Variants in PDSS2 observed in about 807,000 individuals in gnomAD.
The protein encoded by PDSS2 is all trans-polyprenyl-diphosphate synthase PDSS2.
In PDSS2, 31 loss-of-function variants were observed where a neutral mutation model predicts 44.5. That is an observed-to-expected ratio of 0.70 (90% CI 0.52 to 0.94). The LOEUF (loss-of-function observed/expected upper bound fraction) is 0.94, where lower values mean the gene tolerates loss of function less well. PDSS2 is among the 40% of genes least tolerant of loss of function. The probability of loss-of-function intolerance (pLI) is 0.00; values close to 1 mark genes in which losing one functional copy is unlikely to be tolerated. For synonymous variants in PDSS2, 157 were observed against 180.3 expected (o/e 0.87, Z 1.03); for missense variants, 452 against 482.2 (o/e 0.94, Z 0.59).
chr6:107,162,287 A>G (rs1771161623), intron 7 of PDSS2, among the ~76,000 whole-genome samples: 1 of 152,068 alleles, frequency 6.6e-6, no homozygotes, highest in African/African-American at 2.4e-5. Flanking sequence ...ACTTGAGGCC[A>G]GGAGTGAGAC....
At chr6:107,374,742 C>CTTTAATCAT (rs1779232237) in intron 1 of PDSS2, among the ~76,000 whole-genome samples, 2 of 152,122 alleles carry the variant, frequency 1.3e-5, no homozygotes, top group Non-Finnish European at 2.9e-5. Context: ...TATATTATCT[C>CTTTAATCAT]TTTAATCATT....
At chr6:107,344,742 T>C (rs2448079) in intron 1 of PDSS2, among the ~76,000 whole-genome samples, 146,345 of 152,242 alleles carry the variant, frequency 0.96, 70,597 homozygotes, top group East Asian at 1. Context: ...TACTGACCAC[T>C]AGTTGTATAC....
intron 1 of PDSS2, among the ~76,000 whole-genome samples, chr6:107,364,062 C>G (rs879642835): frequency 6.7e-5 from 10 of 150,082 alleles, no homozygotes; most frequent in Non-Finnish European, 1.2e-4. Context: ...AGAGCGTCGA[C>G]TGGTGCACTC....
chr6:107,398,908 C>T (rs1451802347), intron 1 of PDSS2, among the ~76,000 whole-genome samples: 2 of 152,162 alleles, frequency 1.3e-5, no homozygotes, highest in Non-Finnish European at 2.9e-5. Flanking sequence ...CAGTGTATCT[C>T]CTCTTTTCTT....
At chr6:107,407,990 C>A (rs929454953) in intron 1 of PDSS2, among the ~76,000 whole-genome samples, 1 of 152,142 alleles carries the variant, frequency 6.6e-6, no homozygotes, top group Non-Finnish European at 1.5e-5. Flanking sequence ...TGAGCCACCA[C>A]ACCCGGCCAG....
chr6:107,350,978 T>G (rs1778416243), intron 1 of PDSS2, among the ~76,000 whole-genome samples: 1 of 151,768 alleles, frequency 6.6e-6, no homozygotes, highest in African/African-American at 2.4e-5. Context: ...GCAAAATAAA[T>G]AAGGTCTTGG....
intron 2 of PDSS2, among the ~76,000 whole-genome samples, chr6:107,276,499 T>C (rs991379998): frequency 6.6e-6 from 1 of 152,204 alleles, no homozygotes; most frequent in African/African-American, 2.4e-5. Context: ...CACATCCATA[T>C]CGAGACCTAA....
At chr6:107,412,457 CTTGAACTT>C (rs1418420103) in intron 1 of PDSS2, among the ~76,000 whole-genome samples, 1 of 151,866 alleles carries the variant, frequency 6.6e-6, no homozygotes, top group Non-Finnish European at 1.5e-5. Context: ...CCAGGCTGGT[CTTGAACTT>C]TTGACCTCAG....
chr6:107,256,139 T>C (rs983669002), intron 3 of PDSS2, among the ~76,000 whole-genome samples: 3 of 152,222 alleles, frequency 2.0e-5, no homozygotes, highest in East Asian at 3.9e-4. Context: ...TACAGGTGCA[T>C]GCCACCATGC....
At chr6:107,228,975 A>G (rs893291419) in intron 4 of PDSS2, among the ~76,000 whole-genome samples, 3 of 152,174 alleles carry the variant, frequency 2.0e-5, no homozygotes, top group Admixed American at 2.0e-4. Context: ...TAGCTCATTA[A>G]TACATGCCTT....
At chr6:107,261,368 T>C (rs1287605887) in intron 3 of PDSS2, among the ~76,000 whole-genome samples, 2 of 152,150 alleles carry the variant, frequency 1.3e-5, no homozygotes, top group Non-Finnish European at 2.9e-5. Context: ...AGTTTAAAAG[T>C]GTGTGGCACC....
At chr6:107,162,547 T>G (rs1459629480) in intron 7 of PDSS2, among the ~76,000 whole-genome samples, 1 of 151,054 alleles carries the variant, frequency 6.6e-6, no homozygotes, top group Non-Finnish European at 1.5e-5. Flanking sequence ...ATTTTTTGTT[T>G]GTTCAAGTTT....
chr6:107,451,440 T>C (rs1021589198), intron 1 of PDSS2, among the ~76,000 whole-genome samples: 1 of 152,062 alleles, frequency 6.6e-6, no homozygotes, highest in African/African-American at 2.4e-5. Flanking sequence ...AAGGCTACAC[T>C]GCCGCACCAC....
chr6:107,448,941 A>G (rs1781776887), intron 1 of PDSS2, among the ~76,000 whole-genome samples: 1 of 152,242 alleles, frequency 6.6e-6, no homozygotes, highest in Non-Finnish European at 1.5e-5. Flanking sequence ...TCATGAAAAC[A>G]GCCTGGAGAA....
intron 2 of PDSS2, among the ~76,000 whole-genome samples, chr6:107,286,136 T>TAAAATAAAAA (rs67225192): frequency 0.45 from 56,634 of 127,174 alleles, 14,004 homozygotes; most frequent in Middle Eastern, 0.58. Context: ...CGTCGCAAAA[T>TAAAATAAAAA]AAAAAAAAAA....
chr6:107,199,080 C>T (rs1247021222), intron 6 of PDSS2, among the ~76,000 whole-genome samples: 2 of 152,138 alleles, frequency 1.3e-5, no homozygotes, highest in African/African-American at 4.8e-5. Context: ...TCATTAAATA[C>T]TATCCTTATT....
intron 1 of PDSS2, among the ~76,000 whole-genome samples, chr6:107,409,377 C>T (rs74804800): frequency 0.021 from 3,195 of 151,960 alleles, 51 homozygotes; most frequent in Non-Finnish European, 0.032. Flanking sequence ...TTGAAACTGC[C>T]TACCTACTTG....
chr6:107,436,351 A>G (rs1303834953), intron 1 of PDSS2, among the ~76,000 whole-genome samples: 1 of 152,208 alleles, frequency 6.6e-6, no homozygotes, highest in African/African-American at 2.4e-5. Context: ...CCAAATTATT[A>G]TCTAAACAAA....
At chr6:107,420,528 T>C (rs1450643499) in intron 1 of PDSS2, among the ~76,000 whole-genome samples, 1 of 152,086 alleles carries the variant, frequency 6.6e-6, no homozygotes, top group Admixed American at 6.5e-5. Flanking sequence ...TAAATACAAA[T>C]ACACCAACTG....
Sources: gnomAD v4.1 joint callset for allele counts (sites outside exome capture counted in the v4.1 genomes callset) on GRCh38, gnomAD v4.1.1 for gene constraint, MANE v1.5 for transcripts, NCBI Gene and HGNC (gene_info 2026-07-23, HGNC 2026-07-21) for gene names.